TEX26: variants seen among roughly 807,000 people sequenced by gnomAD.
The protein encoded by TEX26 is testis-expressed protein 26.
A neutral mutation model predicts 35.3 loss-of-function variants in TEX26; 34 were observed. The ratio of observed to expected loss-of-function variants is 0.96; its 90% CI spans 0.73 to 1.28. The LOEUF is 1.28. TEX26 is among the 50% of genes most tolerant of loss of function. The pLI is 0.00. For missense variants in TEX26, 371 were observed against 330.1 expected, an observed-to-expected ratio of 1.12 and a Z score of -0.96; for synonymous variants, 136 against 111.8, an observed-to-expected ratio of 1.22 and a Z score of -1.36.
intron 3 of TEX26, among the ~76,000 whole-genome samples, chr13:30,954,315 CACACAT>C (rs1195724349): frequency 9.7e-5 from 11 of 113,740 alleles, no homozygotes; most frequent in South Asian, 2.8e-4. Flanking sequence ...CACACACACA[CACACAT>C]ATATGTATGT....
intron 2 of TEX26, among the ~76,000 whole-genome samples, chr13:30,950,839 C>T (rs1207779938): frequency 1.3e-5 from 2 of 152,146 alleles, no homozygotes; most frequent in Non-Finnish European, 2.9e-5. Flanking sequence ...CTGGGGGACC[C>T]CCTCAGGGTT....
rs149667533 is a variant in TEX26, at chr13:30,939,766, C to T, written c.134C>T (p.Pro45Leu). The T allele has an allele frequency of 3.0e-5, 49 of 1,613,684 alleles. No individual in the cohort carries two copies. The African/African-American group carries it at 5.5e-4, about 18-fold the overall frequency. ...TAFTPKTGAV[P>L]ALIRQNGIRR... ...TTCACGCCTAAAACAGGAGCAGTGC[C>T]TGCCTTAATTCGGTAGATCATTATT... The change falls in exon 2 of 7, where the codon CCT (proline) becomes CTT (leucine). Residue 45 changes from proline (P) to leucine (L), a missense_variant. Pro to Leu is a moderately conservative substitution (Grantham distance 98). Transcript: ENST00000380473.
chr13:30,950,217 C>T (rs149703735), intron 2 of TEX26, among the ~76,000 whole-genome samples: 2 of 152,232 alleles, frequency 1.3e-5, no homozygotes, highest in African/African-American at 2.4e-5. Flanking sequence ...ACCAGCCTGA[C>T]CAATATGGTG....
intron 1 of TEX26, 186 bp downstream of exon 1, chr13:30,932,962 G>C: frequency 5.2e-6 from 3 of 582,072 alleles, no homozygotes; most frequent in Non-Finnish European, 8.8e-6. Flanking sequence ...CCCCTTTTCA[G>C]TCCTTCGCAT....
At position 30,969,163 on chromosome 13, in the gene TEX26, C is replaced by T. The variant is rs182711763; in HGVS notation, c.808+117C>T. On this transcript the variant is annotated intron_variant, in intron 6 of 6. Coordinates refer to ENST00000380473, the MANE Select transcript of TEX26 (RefSeq NM_152325.3). ...AATGCCCACAAAAATGAAAACATTG[C>T]CTCAAAAAAAAAAAAAACTCATAGT... is the stretch of plus-strand genomic sequence containing the variant. 1.2e-4 allele frequency: 109 copies of T among 888,822 alleles called. No homozygotes were observed. In the African/African-American group the frequency reaches 1.7e-3, roughly 14 times the overall value. 55.1% of individuals were successfully genotyped at this position (888,822 alleles called of 1,614,324 possible).
rs751526953 is a variant in TEX26 at position 30,966,317 on chromosome 13, C to T, written c.565C>T (p.Pro189Ser). ...DTEFRRNYQI[P>S]AKIPELQDFS... ...TGAATTCCGAAGGAATTACCAAATT[C>T]CAGCTAAAATTCCTGAGCTTCAAGA... Residue 189 changes from proline (P) to serine (S), a missense_variant, in exon 5 of 7, where the codon CCA becomes TCA. Coordinates refer to ENST00000380473, the MANE Select transcript of TEX26 (RefSeq NM_152325.3). 35 of 1,614,126 alleles carry T rather than the reference C, an allele frequency of 2.2e-5. 1 individual carries two copies. The East Asian group carries it at 7.6e-4, about 35-fold the overall frequency.
At chr13:30,969,298 T>C (rs1954642098) in intron 6 of TEX26, among the ~76,000 whole-genome samples, 1 of 152,252 alleles carries the variant, frequency 6.6e-6, no homozygotes, top group East Asian at 1.9e-4. Context: ...ATTTCTGTTC[T>C]CATTTTGCCT....
intron 2 of TEX26, among the ~76,000 whole-genome samples, chr13:30,945,105 T>C (rs1021482079): frequency 6.6e-6 from 1 of 151,964 alleles, no homozygotes; most frequent in Non-Finnish European, 1.5e-5. Flanking sequence ...GTAGTAAATA[T>C]TTTATGAATC....
In TEX26 at chr13:30,952,814, C is replaced by T. The variant is rs1953980573; in HGVS notation, c.301C>T (p.His101Tyr). 1 of 1,612,538 alleles carries T rather than the reference C, an allele frequency of 6.2e-7. No homozygotes were observed. Among genetic ancestry groups the T allele is most frequent in the Non-Finnish European group, 8.5e-7 (1 of 1,179,326 alleles). The change falls in exon 3 of 7, where the codon CAT becomes TAT. Residue 101 changes from histidine (H) to tyrosine (Y), a missense_variant. Transcript: ENST00000380473. The part of the protein sequence containing the change: ...TSRGIKSHKS[H>Y]LNEDIFLWTL... ...AAGAGGAATCAAGAGCCACAAATCT[C>T]ATCTCAATGAAGTAAGATAATATCT...
chr13:30,944,867 G>A (rs1462261451), intron 2 of TEX26, among the ~76,000 whole-genome samples: 1 of 151,916 alleles, frequency 6.6e-6, no homozygotes, highest in Non-Finnish European at 1.5e-5. Flanking sequence ...CCTATTGTAT[G>A]GTCTATATTG....
chr13:30,958,339 A>G (rs986467206), intron 4 of TEX26, among the ~76,000 whole-genome samples: 2 of 152,244 alleles, frequency 1.3e-5, no homozygotes, highest in Non-Finnish European at 1.5e-5. Flanking sequence ...AAAATTGATT[A>G]TATTTTTAGA....
rs566323878 is a variant in TEX26, at chr13:30,974,815, T to C, written c.809-31T>C. The C allele has an allele frequency of 1.0e-5, 16 of 1,532,874 alleles. No homozygotes were observed. In the East Asian group the frequency reaches 3.6e-4, roughly 35 times the overall value. 95.0% of individuals were successfully genotyped at this position (1,532,874 alleles called of 1,614,324 possible). ...TATCATTTAAATACTTACGTGAAAA[T>C]TTTCATCCTGTTTTTCTTCATACTT... On this transcript the variant is annotated intron_variant, in intron 6 of 6. Coordinates refer to ENST00000380473, the MANE Select transcript of TEX26 (RefSeq NM_152325.3).
chr13:30,951,800 A>G (rs895863084), intron 2 of TEX26, among the ~76,000 whole-genome samples: 2 of 152,144 alleles, frequency 1.3e-5, no homozygotes, highest in African/African-American at 4.8e-5. Flanking sequence ...CAAATAGCCA[A>G]TCAGCAATCA....
intron 2 of TEX26, among the ~76,000 whole-genome samples, chr13:30,951,612 A>G (rs1436479022): frequency 6.6e-6 from 1 of 152,208 alleles, no homozygotes; most frequent in Non-Finnish European, 1.5e-5. Context: ...ATCACTCGTT[A>G]GATACTGTTA....
intron 1 of TEX26, among the ~76,000 whole-genome samples, chr13:30,937,859 T>G (rs1953332045): frequency 6.6e-6 from 1 of 152,234 alleles, no homozygotes; most frequent in South Asian, 2.1e-4. Flanking sequence ...AATGAGAGTC[T>G]GTTAAATTAT....
At chr13:30,969,361 C>A (rs1443917344) in intron 6 of TEX26, among the ~76,000 whole-genome samples, 1 of 152,144 alleles carries the variant, frequency 6.6e-6, no homozygotes, top group African/African-American at 2.4e-5. Context: ...TAATTGATTT[C>A]TCCTTTGGGT....
At chr13:30,973,403 G>A (rs1954775901) in intron 6 of TEX26, 1 of 152,188 alleles carries the variant, frequency 6.6e-6, no homozygotes, top group Admixed American at 6.5e-5. Flanking sequence ...GGTGCATGAA[G>A]GGTCTTCTGG....
intron 1 of TEX26, among the ~76,000 whole-genome samples, chr13:30,936,242 A>G (rs1243476223): frequency 6.6e-6 from 1 of 152,228 alleles, no homozygotes; most frequent in East Asian, 1.9e-4. Context: ...ACTACTTTAT[A>G]ATATTTTTTA....
chr13:30,944,733 C>G (rs1427766744), intron 2 of TEX26, among the ~76,000 whole-genome samples: 1 of 151,866 alleles, frequency 6.6e-6, no homozygotes, highest in African/African-American at 2.4e-5. Flanking sequence ...TGTTTAATTT[C>G]TATGTATTTG....
Sources: allele counts gnomAD v4.1 joint callset (sites outside exome capture counted in the v4.1 genomes callset), GRCh38; gene constraint gnomAD v4.1.1; transcripts MANE v1.5; gene names NCBI Gene and HGNC (gene_info 2026-07-23, HGNC 2026-07-21).